SFXN4: variants seen among roughly 807,000 people sequenced by gnomAD.
SFXN4 encodes sideroflexin-4.
SFXN4 carries 48 observed loss-of-function variants against 54.6 expected under a neutral mutation model. That is an observed-to-expected ratio of 0.88 (90% CI 0.70 to 1.12). The LOEUF is 1.12. SFXN4 is among the 50% of genes most tolerant of loss of function. The pLI is 0.00. For missense variants in SFXN4, 383 were observed against 409.2 expected, an observed-to-expected ratio of 0.94 and a Z score of 0.55; for synonymous variants, 130 against 145.5, an observed-to-expected ratio of 0.89 and a Z score of 0.77.
chr10:119,146,382 T>C (rs1036895527), intron 12 of SFXN4, 29 bp from the exon 13 acceptor site: 5 of 1,384,744 alleles, frequency 3.6e-6, no homozygotes, highest in South Asian at 1.2e-5. Flanking sequence ...GGCTCACAAG[T>C]GATGTTAAAC....
At chr10:119,149,071 G>A (rs1243019850) in intron 11 of SFXN4, among the ~76,000 whole-genome samples, 1 of 152,024 alleles carries the variant, frequency 6.6e-6, no homozygotes, top group Non-Finnish European at 1.5e-5. Flanking sequence ...ATTTTTTGTA[G>A]AGATGTGATC....
intron 6 of SFXN4, 59 bp from the exon 7 acceptor site, chr10:119,158,121 T>A: frequency 6.6e-7 from 1 of 1,514,912 alleles, no homozygotes; most frequent in Non-Finnish European, 9.2e-7. Flanking sequence ...GAACTTGCAG[T>A]AGCAAAGAAC....
chr10:119,165,095 TGGACGGTGCTGCCCTAG>T, intron 1 of SFXN4: 1 of 426,698 alleles, frequency 2.3e-6, no homozygotes, highest in Middle Eastern at 1.2e-3. Context: ...ATATTTCTAT[TGGACGGTGCTGCCCTAG>T]ACGCTGCAGG....
At chr10:119,149,916 C>A (rs7897258) in intron 11 of SFXN4, among the ~76,000 whole-genome samples, 27 of 152,006 alleles carry the variant, frequency 1.8e-4, no homozygotes, top group African/African-American at 5.3e-4. Context: ...AGTGAGACGC[C>A]GTCATTAGGA....
chr10:119,158,195 A>G (rs1482380117), intron 6 of SFXN4, 133 bp from the exon 7 acceptor site: 17 of 806,332 alleles, frequency 2.1e-5, no homozygotes, highest in Non-Finnish European at 3.0e-5. Flanking sequence ...GGTGGTGGGT[A>G]CAGGGGCTGC....
intron 6 of SFXN4, among the ~76,000 whole-genome samples, chr10:119,158,559 T>A (rs1293076340): frequency 7.5e-6 from 1 of 132,530 alleles, no homozygotes; most frequent in Non-Finnish European, 1.5e-5. Flanking sequence ...GAGGTTGCAA[T>A]GAGCCAAGAT....
At chr10:119,155,845 G>C (rs907360401) in intron 10 of SFXN4, among the ~76,000 whole-genome samples, 3 of 152,152 alleles carry the variant, frequency 2.0e-5, no homozygotes, top group Non-Finnish European at 4.4e-5. Flanking sequence ...ACTGACATCA[G>C]TCTGCCAACT....
intron 13 of SFXN4, among the ~76,000 whole-genome samples, chr10:119,145,362 G>A (rs997738518): frequency 2.8e-5 from 4 of 144,822 alleles, no homozygotes; most frequent in South Asian, 2.2e-4. Flanking sequence ...CACCCAGGCT[G>A]GAGTACAATG....
rs1270676186 is a variant in SFXN4 at position 119,165,527 on chromosome 10, C to T, written c.111+10G>A. ...TCCCTGCCCCTAGTCGCGCCGGGCC[C>T]GGGCCGTACTTGGCGCTCGGTGATC... On this transcript the variant is annotated intron_variant, in intron 1 of 13. Coordinates refer to ENST00000355697, the MANE Select transcript of SFXN4 (RefSeq NM_213649.2). The T allele has an allele frequency of 1.3e-6, 2 of 1,573,940 alleles. No individual in the cohort carries two copies. Among genetic ancestry groups the T allele is most frequent in the East Asian group, 2.5e-5 (1 of 39,538 alleles).
intron 5 of SFXN4, 127 bp downstream of exon 5, chr10:119,160,788 C>CG: frequency 3.3e-6 from 3 of 909,198 alleles, no homozygotes; most frequent in Non-Finnish European, 3.6e-6. Context: ...TTAGTAGAGA[C>CG]GGGGTTTCAC....
intron 10 of SFXN4, 50 bp from the exon 11 acceptor site, chr10:119,155,227 T>A (rs1345657113): frequency 6.2e-6 from 8 of 1,290,822 alleles, no homozygotes; most frequent in Non-Finnish European, 9.0e-6. Context: ...TGAGTCTTGT[T>A]CCAGCAAAGG....
At chr10:119,142,625 A>T (rs1294589426) in intron 13 of SFXN4, among the ~76,000 whole-genome samples, 1 of 141,694 alleles carries the variant, frequency 7.1e-6, no homozygotes. Flanking sequence ...ACCTCGGCTC[A>T]CTGCAAGCTC....
intron 13 of SFXN4, among the ~76,000 whole-genome samples, chr10:119,145,338 G>C (rs752087878): frequency 2.2e-5 from 3 of 136,522 alleles, no homozygotes; most frequent in Non-Finnish European, 4.6e-5. Flanking sequence ...TTTTGAGACA[G>C]AGTCTCACTC....
At position 119,143,195 on chromosome 10, in the gene SFXN4, C is replaced by T. The variant is rs192447551; in HGVS notation, c.937-1876G>A. Among the ~76,000 whole-genome samples, 280 of 152,286 alleles carry T rather than the reference C, an allele frequency of 1.8e-3. 2 individuals carry two copies. The highest frequency in any genetic ancestry group is 6.3e-3 in the African/African-American group (262 of 41,560). On this transcript the variant is annotated intron_variant, in intron 13 of 13. Coordinates refer to ENST00000355697, the MANE Select transcript of SFXN4 (RefSeq NM_213649.2). ...GCTCCTTGGCCTGGCTGTGCAGGCC[C>T]TGCCACCTGGCCCCCAGCATCCTGC...
intron 12 of SFXN4, among the ~76,000 whole-genome samples, chr10:119,146,850 G>A (rs575200154): frequency 3.3e-5 from 5 of 152,254 alleles, no homozygotes; most frequent in Non-Finnish European, 7.4e-5. Context: ...TTACAGGCGT[G>A]AGCCACCGCA....
chr10:119,147,872 G>A lies in SFXN4; in HGVS notation c.733-12C>T, dbSNP rs1231885525. ...GTTTCTCTAACAGCCTAGCAAAAAT[G>A]AAAAGAAAACAGCTTAGGTTGGGCA... On this transcript the variant is annotated splice_polypyrimidine_tract_variant and intron_variant, in intron 11 of 13. Transcript: ENST00000355697. The A allele has an allele frequency of 3.1e-6, 5 of 1,612,882 alleles. No homozygotes were observed. The East Asian group carries it at 8.9e-5, about 29-fold the overall frequency.
chr10:119,141,578 T>C (rs897508155), intron 13 of SFXN4, among the ~76,000 whole-genome samples: 1 of 147,634 alleles, frequency 6.8e-6, no homozygotes, highest in African/African-American at 2.5e-5. Flanking sequence ...TGGCACCATC[T>C]CAGGTCACTG....
chr10:119,157,810 AC>A, intron 8 of SFXN4, 60 bp downstream of exon 8: 1 of 1,605,604 alleles, frequency 6.2e-7, no homozygotes, highest in Non-Finnish European at 8.5e-7. Context: ...ACAAACACAT[AC>A]AACAAACTCC....
chr10:119,143,938 G>A (rs1365867472), intron 13 of SFXN4, among the ~76,000 whole-genome samples: 1 of 152,118 alleles, frequency 6.6e-6, no homozygotes, highest in Non-Finnish European at 1.5e-5. Flanking sequence ...CTGAGATGCT[G>A]CCTCGCTCCC....
Sources: gnomAD v4.1 joint callset for allele counts (sites outside exome capture counted in the v4.1 genomes callset) on GRCh38, gnomAD v4.1.1 for gene constraint, MANE v1.5 for transcripts, NCBI Gene and HGNC (gene_info 2026-07-23, HGNC 2026-07-21) for gene names.